ATP8A1: variants seen among roughly 807,000 people sequenced by gnomAD.
ATP8A1 encodes the protein phospholipid-transporting ATPase IA.
ATP8A1 carries 90 observed loss-of-function variants against 177.7 expected under a neutral mutation model. The observed-to-expected ratio is 0.51, with a 90% CI of 0.43 to 0.60. The LOEUF is 0.60. ATP8A1 is among the 20% of genes least tolerant of loss of function. ATP8A1 has a pLI of 0.00. For synonymous variants in ATP8A1, 493 were observed against 485.9 expected (o/e 1.01, Z -0.19); for missense variants, 1,072 against 1,392.8 (o/e 0.77, Z 3.67).
intron 33 of ATP8A1, among the ~76,000 whole-genome samples, chr4:42,432,620 C>T (rs568647167): frequency 7.9e-5 from 12 of 152,236 alleles, no homozygotes; most frequent in East Asian, 1.9e-4. Context: ...CTGGGTGGTA[C>T]GCAAGCATCC....
intron 33 of ATP8A1, among the ~76,000 whole-genome samples, chr4:42,436,385 G>A (rs1236737253): frequency 2.6e-5 from 4 of 152,232 alleles, no homozygotes; most frequent in Non-Finnish European, 5.9e-5. Flanking sequence ...GCTGGTTCTC[G>A]TAATGGCTCT....
intron 23 of ATP8A1, among the ~76,000 whole-genome samples, chr4:42,504,148 C>T (rs1309323073): frequency 1.3e-5 from 2 of 152,228 alleles, no homozygotes; most frequent in Non-Finnish European, 1.5e-5. Context: ...TATGTGAGTA[C>T]ACTGCCTTTG....
chr4:42,547,688 G>A (rs1157961296), intron 19 of ATP8A1, among the ~76,000 whole-genome samples: 4 of 152,144 alleles, frequency 2.6e-5, no homozygotes, highest in Non-Finnish European at 4.4e-5. Flanking sequence ...TTTATTCAAT[G>A]TATTCATCTT....
chr4:42,554,666 C>T (rs6839984), intron 16 of ATP8A1, among the ~76,000 whole-genome samples: 21,295 of 152,084 alleles, frequency 0.14, 1,835 homozygotes, highest in East Asian at 0.27. Flanking sequence ...GAAAAAGTTC[C>T]GGGGTTTAAC....
chr4:42,524,920 T>C lies in ATP8A1; in HGVS notation c.1723-73A>G. The stretch of plus-strand genomic sequence containing the variant: ...TTAATAAAGTTGATGTTGGTAACAA[T>C]AGCAGTAGGAAATCAGTGTAACAAC... On this transcript the variant is annotated intron_variant, in intron 20 of 36. Coordinates refer to ENST00000381668, the MANE Select transcript of ATP8A1 (RefSeq NM_006095.2). 5.5e-6 allele frequency: 5 copies of C among 914,424 alleles called. No homozygotes were observed. In the East Asian group the frequency reaches 7.7e-5, roughly 14 times the overall value. 56.6% of individuals were successfully genotyped at this position (914,424 alleles called of 1,614,324 possible). A position where few individuals can be genotyped will look rare whatever the true frequency, so the allele number is the denominator to read the frequency against.
chr4:42,537,401 C>T lies in ATP8A1; in HGVS notation c.1722+6516G>A, dbSNP rs151151539. The stretch of plus-strand genomic sequence containing the variant: ...TTCACCACTTTTATTCAACATAATA[C>T]GGAAGTTCTAGCCAGAGCAATCAGA... On this transcript the variant is annotated intron_variant, in intron 20 of 36. Transcript: ENST00000381668. Among the ~76,000 whole-genome samples the T allele has an allele frequency of 5.2e-3, 788 of 150,630 alleles. 7 individuals are homozygous for T. The highest frequency in any genetic ancestry group is 0.017 in the African/African-American group (701 of 40,992).
intron 20 of ATP8A1, among the ~76,000 whole-genome samples, chr4:42,532,483 A>G (rs1256308605): frequency 3.9e-5 from 6 of 152,138 alleles, no homozygotes; most frequent in Admixed American, 2.6e-4. Flanking sequence ...CCATCTCAAA[A>G]AAAAAATAAA....
At chr4:42,635,782 C>CAAATATATATATATATATATATAT (rs1553920597) in intron 1 of ATP8A1, among the ~76,000 whole-genome samples, 1 of 51,992 alleles carries the variant, frequency 1.9e-5, no homozygotes, top group Admixed American at 2.1e-4. Context: ...CACACACACA[C>CAAATATATATATATATATATATAT]ATATATATAT....
At chr4:42,540,707 ACT>A (rs1258586834) in intron 20 of ATP8A1, among the ~76,000 whole-genome samples, 1 of 150,884 alleles carries the variant, frequency 6.6e-6, no homozygotes, top group African/African-American at 2.5e-5. Context: ...GCATATTCTC[ACT>A]TATATGTGAG....
At position 42,488,397 on chromosome 4, in the gene ATP8A1, C is replaced by CA. The variant is rs796564428; in HGVS notation, c.2152-2730dup. On this transcript the variant is annotated intron_variant, in intron 24 of 36. Transcript: ENST00000381668. ...GCCTGTCTTTTTCTATGCAATCCAG[C>CA]AAAAAAAAAAACAACAAACCAAACT... 4.6e-3 allele frequency among the ~76,000 whole-genome samples: 656 copies of CA among 141,530 alleles called. 2 individuals are homozygous for CA. The highest frequency in any genetic ancestry group is 0.011 in the African/African-American group (424 of 38,908). 92.8% of individuals were successfully genotyped at this position (141,530 alleles called of 152,430 possible). A position where few individuals can be genotyped will look rare whatever the true frequency, so the allele number is the denominator to read the frequency against.
chr4:42,652,692 T>A (rs1741219902), intron 1 of ATP8A1, among the ~76,000 whole-genome samples: 1 of 152,142 alleles, frequency 6.6e-6, no homozygotes, highest in South Asian at 2.1e-4. Context: ...GTCTTTCCCG[T>A]GCTGTTCTCA....
chr4:42,423,546 G>T, intron 34 of ATP8A1, 71 bp downstream of exon 34: 1 of 1,084,406 alleles, frequency 9.2e-7, no homozygotes, highest in Non-Finnish European at 1.4e-6. Context: ...TTGAGTTGAT[G>T]TTACCAAGAG....
chr4:42,410,549 T>C lies in ATP8A1; in HGVS notation c.*2367A>G, dbSNP rs141551237. The C allele has an allele frequency of 6.6e-6, 1 of 152,330 alleles. No individual in the cohort carries two copies. Among genetic ancestry groups the C allele is most frequent in the Non-Finnish European group, 1.5e-5 (1 of 68,022 alleles). 9.4% of individuals were successfully genotyped at this position (152,330 alleles called of 1,614,324 possible). ...AAGTCACTGCAATTGCAATGTTATA[T>C]TTTAAGTTTCACCAAGAAGGTCATT... On this transcript the variant is annotated 3_prime_UTR_variant, in exon 37 of 37. Coordinates refer to ENST00000381668, the MANE Select transcript of ATP8A1 (RefSeq NM_006095.2).
rs1735778000 is a variant in ATP8A1 at position 42,606,152 on chromosome 4, A to C, written c.410-5634T>G. ...TTTTGGAAAATACTCCATGGCACAG[A>C]TGTGTCAATTACAACGGGTTGGATA... is the stretch of plus-strand genomic sequence containing the variant. On this transcript the variant is annotated intron_variant, in intron 5 of 36. Transcript: ENST00000381668. Among the ~76,000 whole-genome samples, 3 of 152,240 alleles carry C rather than the reference A, an allele frequency of 2.0e-5. No individual in the cohort carries two copies. The South Asian group carries it at 6.2e-4, about 31-fold the overall frequency.
chr4:42,563,051 G>T (rs984671529), intron 15 of ATP8A1, among the ~76,000 whole-genome samples: 1 of 152,176 alleles, frequency 6.6e-6, no homozygotes, highest in Non-Finnish European at 1.5e-5. Context: ...TTTGGAATTG[G>T]GTAATAGGCA....
intron 20 of ATP8A1, among the ~76,000 whole-genome samples, chr4:42,532,934 T>G (rs909865718): frequency 1.3e-5 from 2 of 152,232 alleles, no homozygotes; most frequent in African/African-American, 4.8e-5. Context: ...GAATGTACTT[T>G]GTACGCCTAT....
At chr4:42,504,170 C>T (rs1040765371) in intron 23 of ATP8A1, among the ~76,000 whole-genome samples, 3 of 152,126 alleles carry the variant, frequency 2.0e-5, no homozygotes, top group African/African-American at 7.2e-5. Flanking sequence ...GATCTCATTC[C>T]GTCTCATGAT....
In ATP8A1 at chr4:42,578,393, G is replaced by A. The variant is rs771852882; in HGVS notation, c.1001-6C>T. 1.9e-6 allele frequency: 3 copies of A among 1,607,996 alleles called. No individual in the cohort carries two copies. The Admixed American group carries it at 5.1e-5, about 27-fold the overall frequency. Reference sequence around the variant, plus strand: ...AAAATTACTAGCGCCACCATCTGTTGGGAGAGGCAGGAAGAACGTCATTTA... The same window carrying A: ...AAAATTACTAGCGCCACCATCTGTTAGGAGAGGCAGGAAGAACGTCATTTA... On this transcript the variant is annotated splice_polypyrimidine_tract_variant and splice_region_variant and intron_variant, in intron 11 of 36. Transcript: ENST00000381668.
rs138346525 is a variant in ATP8A1, at chr4:42,586,228, A to G, written c.722+121T>C. The G allele has an allele frequency of 2.8e-4, 314 of 1,132,358 alleles. 3 individuals carry two copies. The East Asian group carries it at 7.7e-3, about 28-fold the overall frequency. The allele number at this position is 1,132,358 out of a possible 1,614,324, so 70.1% of individuals were successfully genotyped here. A position where few individuals can be genotyped will look rare whatever the true frequency, so the allele number is the denominator to read the frequency against. On this transcript the variant is annotated intron_variant, in intron 9 of 36. Coordinates refer to ENST00000381668, the MANE Select transcript of ATP8A1 (RefSeq NM_006095.2). ...CAGGGCAGAATAAAAATGCTTTAAAAAGGGTTTTGAGGACTCAAACTTAGC... is the reference window on the plus strand; with the variant it reads ...CAGGGCAGAATAAAAATGCTTTAAAGAGGGTTTTGAGGACTCAAACTTAGC...
Sources: allele counts gnomAD v4.1 joint callset (sites outside exome capture counted in the v4.1 genomes callset), GRCh38; gene constraint gnomAD v4.1.1; transcripts MANE v1.5; gene names NCBI Gene and HGNC (gene_info 2026-07-23, HGNC 2026-07-21).